The following IPO7 variants were observed in gnomAD, a reference collection of about 807,000 sequenced individuals.
IPO7 encodes importin 7.
IPO7 carries 13 observed loss-of-function variants against 136.4 expected under a neutral mutation model. That is an observed-to-expected ratio of 0.10 (90% CI 0.06 to 0.15). The LOEUF is 0.15. Ranked by LOEUF, IPO7 falls within the 10% of genes least tolerant of loss-of-function variation. The probability of loss-of-function intolerance (pLI) is 1.00; values close to 1 mark genes in which losing one functional copy is unlikely to be tolerated. For synonymous variants in IPO7, 403 were observed against 404.4 expected, an observed-to-expected ratio of 1.00 and a Z score of 0.04; for missense variants, 857 against 1,240.6, an observed-to-expected ratio of 0.69 and a Z score of 4.65.
At chr11:9,399,507 T>C (rs953043002) in intron 1 of IPO7, among the ~76,000 whole-genome samples, 3 of 152,140 alleles carry the variant, frequency 2.0e-5, no homozygotes, top group Admixed American at 6.6e-5. Flanking sequence ...GGACTTGATA[T>C]ATTAAATTGG....
intron 21 of IPO7, 21 bp from the exon 22 acceptor site, chr11:9,438,044 AGTTTTTTTTTTTTTT>A (rs778959295): frequency 6.8e-6 from 7 of 1,035,576 alleles, no homozygotes; most frequent in Middle Eastern, 3.1e-4. Context: ...AAAAGAAAAC[AGTTTTTTTTTTTTTT>A]TTTTTTTTTT....
chr11:9,421,498 C>T (rs141729214), intron 8 of IPO7, among the ~76,000 whole-genome samples: 2,512 of 147,262 alleles, frequency 0.017, 65 homozygotes, highest in African/African-American at 0.059. Context: ...CGTGGTGGTG[C>T]GTGCCTGTAA....
intron 24 of IPO7, among the ~76,000 whole-genome samples, chr11:9,443,773 G>T (rs1353354993): frequency 1.3e-5 from 2 of 151,388 alleles, no homozygotes; most frequent in Non-Finnish European, 3.0e-5. Flanking sequence ...GGTGGTGCAT[G>T]CCTGTAGTCC....
At position 9,423,123 on chromosome 11, in the gene IPO7, C is replaced by T. The variant is rs779734676; in HGVS notation, c.1024C>T (p.Leu342=). 3 of 1,575,834 alleles carry T rather than the reference C, an allele frequency of 1.9e-6. No individual in the cohort carries two copies. The highest frequency in any genetic ancestry group is 1.7e-4 in the Middle Eastern group (1 of 5,884). ...GVSHALTWKN[L]KPHIQGIIQD... is the part of the protein sequence containing the mutation. ...TTCTCATGCTCTCACCTGGAAGAAT[C>T]TGAAGCCCCATATACAAGTAATAAT... is the stretch of plus-strand genomic sequence containing the variant. The change falls in exon 9 of 25, where the codon CTG becomes TTG. Residue 342 remains leucine (L), a synonymous_variant. Transcript: ENST00000379719.
At chr11:9,386,651 T>G (rs543265747) in intron 1 of IPO7, among the ~76,000 whole-genome samples, 45 of 152,322 alleles carry the variant, frequency 3.0e-4, no homozygotes, top group Non-Finnish European at 5.9e-4. Flanking sequence ...GAAATTCATT[T>G]ATTCCTCAAA....
intron 2 of IPO7, among the ~76,000 whole-genome samples, chr11:9,406,314 T>TTA (rs1006025581): frequency 6.6e-6 from 1 of 151,858 alleles, no homozygotes; most frequent in African/African-American, 2.4e-5. Context: ...TGTTTCTTTT[T>TTA]TATATATATT....
intron 23 of IPO7, 50 bp from the exon 24 acceptor site, chr11:9,442,031 C>T (rs1056484127): frequency 1.2e-6 from 1 of 866,730 alleles, no homozygotes. Flanking sequence ...ACGGAGCTAC[C>T]AAGCCTCTCT....
At chr11:9,441,996 G>A (rs1420891757) in intron 23 of IPO7, 85 bp from the exon 24 acceptor site, 2 of 603,174 alleles carry the variant, frequency 3.3e-6, no homozygotes, top group African/African-American at 3.8e-5. Context: ...ATTGCCTCGG[G>A]ATGGAGTAGG....
At chr11:9,404,675 T>C (rs907009722) in intron 2 of IPO7, among the ~76,000 whole-genome samples, 5 of 149,704 alleles carry the variant, frequency 3.3e-5, no homozygotes, top group Non-Finnish European at 4.5e-5. Flanking sequence ...ACGCCGTTCT[T>C]CTGCCTCAGC....
chr11:9,397,899 G>T (rs923999954), intron 1 of IPO7, among the ~76,000 whole-genome samples: 2 of 152,108 alleles, frequency 1.3e-5, no homozygotes, highest in Non-Finnish European at 2.9e-5. Flanking sequence ...TTCCTATTTT[G>T]TAATTGAGAC....
rs71062846 is a variant in IPO7 at position 9,402,399 on chromosome 11, CAAAAAAAAAAAAAA to C, written c.85-876_85-863del. On this transcript the variant is annotated intron_variant, in intron 1 of 24. Coordinates refer to ENST00000379719, the MANE Select transcript of IPO7 (RefSeq NM_006391.3). ...CAGGCGACAGAGCGAGACTGTGTCTCAAAAAAAAAAAAAAAAAAAAAAAAAAAAGAATGCTAGTT... is the reference window on the plus strand; with the variant it reads ...CAGGCGACAGAGCGAGACTGTGTCTCAAAAAAAAAAAAAAGAATGCTAGTT... Among the ~76,000 whole-genome samples, 393 of 44,910 alleles carry C rather than the reference CAAAAAAAAAAAAAA, an allele frequency of 8.8e-3. 5 individuals are homozygous for C. The highest frequency in any genetic ancestry group is 0.019 in the African/African-American group (157 of 8,350). The allele number at this position is 44,910 out of a possible 152,430, so 29.5% of individuals were successfully genotyped here.
intron 1 of IPO7, among the ~76,000 whole-genome samples, chr11:9,401,711 A>G (rs1450479779): frequency 6.6e-6 from 1 of 152,244 alleles, no homozygotes; most frequent in African/African-American, 2.4e-5. Context: ...GCATATTCAT[A>G]TAAATGTATT....
At position 9,417,159 on chromosome 11, in the gene IPO7, G is replaced by A; in HGVS notation, c.726+11G>A. ...AGGGATGTACCTAATGTAAGTTTCT[G>A]TATGTTCTCTTATATTACTAAATGT... On this transcript the variant is annotated intron_variant, in intron 6 of 24. Transcript: ENST00000379719. 3.4e-6 allele frequency: 4 copies of A among 1,167,426 alleles called. No individual in the cohort carries two copies. The highest frequency in any genetic ancestry group is 3.8e-6 in the Non-Finnish European group (3 of 790,746). 72.3% of individuals were successfully genotyped at this position (1,167,426 alleles called of 1,614,324 possible).
intron 23 of IPO7, 110 bp from the exon 24 acceptor site, chr11:9,441,971 G>T (rs1013308794): frequency 1.8e-6 from 1 of 556,586 alleles, no homozygotes; most frequent in Non-Finnish European, 3.3e-6. Flanking sequence ...ATATAAAATA[G>T]ATCAGAATTT....
chr11:9,396,704 A>G (rs572739048), intron 1 of IPO7, among the ~76,000 whole-genome samples: 4 of 152,274 alleles, frequency 2.6e-5, no homozygotes, highest in African/African-American at 9.6e-5. Flanking sequence ...GGCTTCTTTC[A>G]TACAGTATTG....
intron 16 of IPO7, 115 bp downstream of exon 16, chr11:9,431,118 G>C: frequency 1.4e-6 from 1 of 706,874 alleles, no homozygotes; most frequent in Non-Finnish European, 2.3e-6. Context: ...CTTTTATAAA[G>C]ATAAGATTGG....
intron 1 of IPO7, among the ~76,000 whole-genome samples, chr11:9,394,620 A>G (rs1270766456): frequency 6.6e-6 from 1 of 152,192 alleles, no homozygotes; most frequent in Non-Finnish European, 1.5e-5. Flanking sequence ...TTTGGCCACA[A>G]CCTACCAATT....
intron 1 of IPO7, among the ~76,000 whole-genome samples, chr11:9,392,515 G>C (rs1208424243): frequency 1.3e-5 from 2 of 152,074 alleles, no homozygotes; most frequent in Non-Finnish European, 2.9e-5. Flanking sequence ...CTTGGCTCTT[G>C]AAATTACCTG....
At chr11:9,439,847 A>G (rs910001755) in intron 22 of IPO7, among the ~76,000 whole-genome samples, 1 of 152,226 alleles carries the variant, frequency 6.6e-6, no homozygotes, top group African/African-American at 2.4e-5. Context: ...TGTTGGGATT[A>G]CAGGCGTGAG....
Sources: gnomAD v4.1 joint callset for allele counts (sites outside exome capture counted in the v4.1 genomes callset) on GRCh38, gnomAD v4.1.1 for gene constraint, MANE v1.5 for transcripts, NCBI Gene and HGNC (gene_info 2026-07-23, HGNC 2026-07-21) for gene names.